NFIA: variants seen among roughly 807,000 people sequenced by gnomAD.
The protein encoded by NFIA is nuclear factor I A.
In NFIA, 8 loss-of-function variants were observed where a neutral mutation model predicts 62.8. That is an observed-to-expected ratio of 0.13 (90% CI 0.07 to 0.23). The LOEUF is 0.23. NFIA is among the 10% of genes least tolerant of loss of function. The pLI is 1.00. For synonymous variants in NFIA, 235 were observed against 238.1 expected (o/e 0.99, Z 0.12); for missense variants, 410 against 642.1 (o/e 0.64, Z 3.91).
intron 2 of NFIA, among the ~76,000 whole-genome samples, chr1:61,207,115 G>T (rs1652949605): frequency 6.6e-6 from 1 of 152,180 alleles, no homozygotes; most frequent in Non-Finnish European, 1.5e-5. Context: ...TGGTTCTGCT[G>T]AGGTGGTTCA....
chr1:61,216,267 C>A (rs559882703), intron 2 of NFIA, among the ~76,000 whole-genome samples: 1 of 152,138 alleles, frequency 6.6e-6, no homozygotes, highest in Non-Finnish European at 1.5e-5. Flanking sequence ...CTGGAAGATG[C>A]ATCTGCATAG....
intron 3 of NFIA, among the ~76,000 whole-genome samples, chr1:61,294,972 G>A (rs1445305820): frequency 1.3e-5 from 2 of 152,168 alleles, no homozygotes; most frequent in Non-Finnish European, 2.9e-5. Flanking sequence ...GTTGGGGTGG[G>A]TACTCTGGTA....
intron 7 of NFIA, among the ~76,000 whole-genome samples, chr1:61,389,861 T>G (rs1161616434): frequency 1.3e-5 from 2 of 152,094 alleles, no homozygotes; most frequent in Non-Finnish European, 2.9e-5. Context: ...TTAGAGACAG[T>G]TTTTGAGGTC....
intron 3 of NFIA, among the ~76,000 whole-genome samples, chr1:61,300,099 A>T (rs372551052): frequency 2.0e-4 from 30 of 152,130 alleles, no homozygotes; most frequent in Non-Finnish European, 3.1e-4. Flanking sequence ...ATTAAAAAAA[A>T]TTTTTTTAAC....
intron 5 of NFIA, among the ~76,000 whole-genome samples, chr1:61,356,148 C>T (rs978472905): frequency 1.3e-5 from 2 of 152,142 alleles, no homozygotes; most frequent in African/African-American, 4.8e-5. Context: ...ATGGCTGTTT[C>T]TAAGTCAGTA....
chr1:61,103,956 C>G (rs1646553717), intron 2 of NFIA, among the ~76,000 whole-genome samples: 2 of 151,954 alleles, frequency 1.3e-5, no homozygotes, highest in Admixed American at 6.6e-5. Context: ...CCTTTAAGAT[C>G]CTGGTCTTGA....
intron 2 of NFIA, among the ~76,000 whole-genome samples, chr1:61,213,790 A>G (rs887398408): frequency 6.6e-6 from 1 of 151,950 alleles, no homozygotes; most frequent in African/African-American, 2.4e-5. Flanking sequence ...ATGTTACCCA[A>G]CTTCTCCTGG....
chr1:61,080,066 C>G (rs1646077445), upstream of NFIA, among the ~76,000 whole-genome samples: 1 of 152,208 alleles, frequency 6.6e-6, no homozygotes, highest in South Asian at 2.1e-4. Context: ...GGAGAGAAAG[C>G]AGGAGCGGAT....
intron 2 of NFIA, among the ~76,000 whole-genome samples, chr1:61,110,061 AG>A (rs538895851): frequency 6.6e-6 from 1 of 151,824 alleles, no homozygotes; most frequent in East Asian, 1.9e-4. Flanking sequence ...GAGAGAGATA[AG>A]GGGGGCAGAG....
upstream of NFIA, among the ~76,000 whole-genome samples, chr1:61,079,355 C>A (rs1334676354): frequency 6.6e-6 from 1 of 152,142 alleles, no homozygotes; most frequent in Non-Finnish European, 1.5e-5. Flanking sequence ...TAAGTAACCT[C>A]CAAAATGAGA....
At chr1:61,082,029 G>C (rs770241017), upstream of NFIA, 1 of 1,549,202 alleles carries the variant, frequency 6.5e-7, no homozygotes, top group South Asian at 1.2e-5. Flanking sequence ...TGGCAAAGTT[G>C]CCCAAGTCCT....
chr1:61,155,443 G>A (rs1030508242), intron 2 of NFIA, among the ~76,000 whole-genome samples: 8 of 151,908 alleles, frequency 5.3e-5, no homozygotes, highest in African/African-American at 2.4e-5. Flanking sequence ...GGAGGCCGAG[G>A]CGGGTGGATC....
chr1:61,356,902 T>C (rs144054712), intron 5 of NFIA, among the ~76,000 whole-genome samples: 28 of 152,348 alleles, frequency 1.8e-4, no homozygotes, highest in Admixed American at 3.3e-4. Context: ...ATTGCTGCAA[T>C]AGCTTAACTG....
chr1:61,081,405 G>A (rs1390777425), upstream of NFIA, among the ~76,000 whole-genome samples: 1 of 152,038 alleles, frequency 6.6e-6, no homozygotes, highest in Non-Finnish European at 1.5e-5. Context: ...CCTGGGGGAG[G>A]GAAAAAAGGG....
At chr1:61,238,977 T>G (rs1655170202) in intron 2 of NFIA, among the ~76,000 whole-genome samples, 1 of 152,206 alleles carries the variant, frequency 6.6e-6, no homozygotes, top group Non-Finnish European at 1.5e-5. Flanking sequence ...TTGATTTTTC[T>G]TTGAAAAATT....
At chr1:61,315,104 TAGCCATTG>T (rs1476423969) in intron 3 of NFIA, among the ~76,000 whole-genome samples, 2 of 152,198 alleles carry the variant, frequency 1.3e-5, no homozygotes, top group African/African-American at 4.8e-5. Context: ...CATCAGAAAT[TAGCCATTG>T]AGCTTACTGA....
intron 9 of NFIA, among the ~76,000 whole-genome samples, chr1:61,422,595 A>C (rs1666675958): frequency 6.6e-6 from 1 of 152,096 alleles, no homozygotes; most frequent in African/African-American, 2.4e-5. Context: ...ATTTCTGAGG[A>C]CGTAGAGGCC....
chr1:61,262,772 A>G (rs1250909509), intron 2 of NFIA, among the ~76,000 whole-genome samples: 1 of 152,224 alleles, frequency 6.6e-6, no homozygotes, highest in East Asian at 1.9e-4. Flanking sequence ...TCTCAAAGTT[A>G]CTAAATGGAA....
chr1:61,145,383 G>A (rs1185124272), intron 2 of NFIA, among the ~76,000 whole-genome samples: 1 of 152,144 alleles, frequency 6.6e-6, no homozygotes, highest in Non-Finnish European at 1.5e-5. Flanking sequence ...GGTCTGGTTG[G>A]TCACATAACC....
Sources: gnomAD v4.1 joint callset for allele counts (sites outside exome capture counted in the v4.1 genomes callset) on GRCh38, gnomAD v4.1.1 for gene constraint, MANE v1.5 for transcripts, NCBI Gene and HGNC (gene_info 2026-07-23, HGNC 2026-07-21) for gene names.